ANKRD6: variants seen among roughly 807,000 people sequenced by gnomAD.
The protein encoded by ANKRD6 is ankyrin repeat domain-containing protein 6.
A neutral mutation model predicts 82.3 loss-of-function variants in ANKRD6; 56 were observed. That is an observed-to-expected ratio of 0.68 (90% CI 0.55 to 0.85). ANKRD6 has a LOEUF of 0.85. Among genes scored for constraint, ANKRD6 ranks in the 40% least tolerant of loss-of-function variants. The pLI is 0.00. For missense variants in ANKRD6, 852 were observed against 907.6 expected (o/e 0.94, Z 0.79); for synonymous variants, 347 against 352.1 (o/e 0.99, Z 0.16).
At chr6:89,462,911 C>A (rs1774373536) in intron 1 of ANKRD6, among the ~76,000 whole-genome samples, 1 of 150,256 alleles carries the variant, frequency 6.7e-6, no homozygotes, top group Non-Finnish European at 1.5e-5. Context: ...AGTCTGTTAC[C>A]CAGCCTGAAA....
intron 1 of ANKRD6, among the ~76,000 whole-genome samples, chr6:89,527,519 G>T (rs1267085057): frequency 6.7e-6 from 1 of 150,162 alleles, no homozygotes; most frequent in Non-Finnish European, 1.5e-5. Context: ...ACTTGAACCC[G>T]GGAGGCATAG....
At chr6:89,602,050 G>A (rs1199907802) in intron 3 of ANKRD6, 2 of 152,184 alleles carry the variant, frequency 1.3e-5, no homozygotes, top group Non-Finnish European at 2.9e-5. Flanking sequence ...CACACCTGAG[G>A]TCCAGCAGGG....
At chr6:89,561,410 T>C (rs1163438611) in intron 1 of ANKRD6, 2 of 152,224 alleles carry the variant, frequency 1.3e-5, no homozygotes, top group Non-Finnish European at 2.9e-5. Context: ...CTTTCGCAAA[T>C]AGTCCTGGTG....
chr6:89,584,177 T>C (rs1793212413), intron 2 of ANKRD6, among the ~76,000 whole-genome samples: 1 of 152,222 alleles, frequency 6.6e-6, no homozygotes. Context: ...GTACCTTTCC[T>C]GAACAAAATG....
At chr6:89,598,988 T>G (rs1277818962) in intron 3 of ANKRD6, among the ~76,000 whole-genome samples, 2 of 152,140 alleles carry the variant, frequency 1.3e-5, no homozygotes, top group East Asian at 3.8e-4. Context: ...TGATTTCTGG[T>G]CCAAGCATGC....
At chr6:89,573,911 A>C (rs1790510097) in intron 2 of ANKRD6, among the ~76,000 whole-genome samples, 1 of 152,148 alleles carries the variant, frequency 6.6e-6, no homozygotes, top group South Asian at 2.1e-4. Flanking sequence ...AAGTCCACCC[A>C]GTGAATGGTA....
intron 11 of ANKRD6, among the ~76,000 whole-genome samples, 154 bp from the exon 12 acceptor site, chr6:89,623,718 T>C (rs1000250383): frequency 5.9e-5 from 9 of 152,206 alleles, no homozygotes; most frequent in African/African-American, 2.2e-4. Flanking sequence ...TGTGCTGATA[T>C]ATTTCTTTTG....
At chr6:89,602,839 G>T (rs894522288) in intron 3 of ANKRD6, 190 bp from the exon 4 acceptor site, 2 of 529,990 alleles carry the variant, frequency 3.8e-6, no homozygotes, top group South Asian at 5.5e-5. Flanking sequence ...AAATTTCTCT[G>T]CCAGCGTGCG....
Position 89,631,794 on chromosome 6 carries a change from ACCTATT to A in ANKRD6, c.*795_*800del, listed in dbSNP as rs1476354862. On this transcript the variant is annotated 3_prime_UTR_variant, in exon 16 of 16. Transcript: ENST00000339746. Reference sequence around the variant, plus strand: ...TGTAACAATTACCTGAAAATTTATAACCTATTCCTAATCAAACCCAATTATATCAGA... The same window carrying A: ...TGTAACAATTACCTGAAAATTTATAACCTAATCAAACCCAATTATATCAGA... 6.6e-6 allele frequency: 1 copy of A among 152,226 alleles called. No homozygotes were observed. Among genetic ancestry groups the A allele is most frequent in the African/African-American group, 2.4e-5 (1 of 41,462 alleles). 9.4% of individuals were successfully genotyped at this position (152,226 alleles called of 1,614,324 possible). A position where few individuals can be genotyped will look rare whatever the true frequency, so the allele number is the denominator to read the frequency against.
At chr6:89,602,999 T>C (rs1236553935) in intron 3 of ANKRD6, 30 bp from the exon 4 acceptor site, 14 of 1,563,198 alleles carry the variant, frequency 9.0e-6, no homozygotes, top group Non-Finnish European at 1.1e-5. Context: ...GGGAGCTGAC[T>C]GCTGTTCCTG....
chr6:89,452,032 A>G (rs1772890191), intron 1 of ANKRD6, among the ~76,000 whole-genome samples: 1 of 152,100 alleles, frequency 6.6e-6, no homozygotes, highest in South Asian at 2.1e-4. Flanking sequence ...CCATCTCAGC[A>G]CCACTAACAA....
At chr6:89,473,841 G>A (rs1332341366) in intron 1 of ANKRD6, among the ~76,000 whole-genome samples, 1 of 151,958 alleles carries the variant, frequency 6.6e-6, no homozygotes, top group African/African-American at 2.4e-5. Flanking sequence ...TTAGCAGGAT[G>A]TGGTGGCACA....
At chr6:89,506,059 G>T (rs560940667) in intron 1 of ANKRD6, among the ~76,000 whole-genome samples, 1 of 152,138 alleles carries the variant, frequency 6.6e-6, no homozygotes, top group Non-Finnish European at 1.5e-5. Flanking sequence ...GGGGGAGGGC[G>T]GTGGAAGCAA....
chr6:89,514,234 C>A (rs1007527869), intron 1 of ANKRD6, among the ~76,000 whole-genome samples: 1 of 152,006 alleles, frequency 6.6e-6, no homozygotes, highest in African/African-American at 2.4e-5. Flanking sequence ...AAAAATTAGC[C>A]GGGCATTGTG....
intron 15 of ANKRD6, chr6:89,629,446 C>G: frequency 1.5e-6 from 1 of 662,000 alleles, no homozygotes; most frequent in Non-Finnish European, 2.7e-6. Context: ...TGTGCTCAAA[C>G]TTATTTGAAT....
intron 1 of ANKRD6, among the ~76,000 whole-genome samples, chr6:89,436,350 G>A (rs1185827520): frequency 6.6e-6 from 1 of 152,146 alleles, no homozygotes; most frequent in Non-Finnish European, 1.5e-5. Context: ...TATTGTCTTG[G>A]ATAGGAATGT....
chr6:89,457,042 G>C (rs1260698028), intron 1 of ANKRD6, among the ~76,000 whole-genome samples: 1 of 152,194 alleles, frequency 6.6e-6, no homozygotes, highest in African/African-American at 2.4e-5. Context: ...GGGGTGGGAT[G>C]GTTCCCTTCT....
intron 1 of ANKRD6, among the ~76,000 whole-genome samples, chr6:89,541,883 CAG>C (rs1784487249): frequency 6.6e-6 from 1 of 151,458 alleles, no homozygotes; most frequent in Admixed American, 6.6e-5. Context: ...TGCAGAATAA[CAG>C]AAAGTTGTGA....
intron 1 of ANKRD6, among the ~76,000 whole-genome samples, chr6:89,441,291 C>T (rs1771343824): frequency 6.6e-6 from 1 of 151,904 alleles, no homozygotes; most frequent in African/African-American, 2.4e-5. Context: ...GCTGGGATTA[C>T]AGGCACCCGC....
Sources: gnomAD v4.1 joint callset for allele counts (sites outside exome capture counted in the v4.1 genomes callset) on GRCh38, gnomAD v4.1.1 for gene constraint, MANE v1.5 for transcripts, NCBI Gene and HGNC (gene_info 2026-07-23, HGNC 2026-07-21) for gene names.